The following ZSCAN20 variants were observed in gnomAD, a reference collection of about 807,000 sequenced individuals.
The protein encoded by ZSCAN20 is zinc finger and SCAN domain containing 20.
In ZSCAN20, 39 loss-of-function variants were observed where a neutral mutation model predicts 97.1. The ratio of observed to expected loss-of-function variants is 0.40; its 90% CI spans 0.31 to 0.52. The LOEUF (loss-of-function observed/expected upper bound fraction) is 0.52. Ranked by LOEUF, ZSCAN20 falls within the 20% of genes least tolerant of loss-of-function variation. ZSCAN20 has a pLI of 0.49. For missense variants in ZSCAN20, 1,115 were observed against 1,290.4 expected, an observed-to-expected ratio of 0.86 and a Z score of 2.08; for synonymous variants, 456 against 467.3, an observed-to-expected ratio of 0.98 and a Z score of 0.31.
chr1:33,473,684 C>G (rs532354201), intron 1 of ZSCAN20, among the ~76,000 whole-genome samples: 2 of 152,268 alleles, frequency 1.3e-5, no homozygotes, highest in Admixed American at 1.3e-4. Context: ...AAAAAAATTT[C>G]AACTCTTACT....
chr1:33,501,003 A>G lies in ZSCAN20; in HGVS notation c.*5527A>G, dbSNP rs1196380690. Among the ~76,000 whole-genome samples the G allele has an allele frequency of 6.6e-6, 1 of 152,116 alleles. No individual in the cohort carries two copies. Among genetic ancestry groups the G allele is most frequent in the African/African-American group, 2.4e-5 (1 of 41,448 alleles). ...TGGGGGGATTCGTGGACCACAGAGA[A>G]GCTTCCGCATATTTATAGGCACTGG... On this transcript the variant is annotated 3_prime_UTR_variant, in exon 8 of 8. Coordinates refer to ENST00000684572, the MANE Select transcript of ZSCAN20 (RefSeq NM_001377376.1).
In ZSCAN20 at chr1:33,499,382, G is replaced by C. The variant is rs1046999888; in HGVS notation, c.*3906G>C. Among the ~76,000 whole-genome samples, 1 of 151,706 alleles carries C rather than the reference G, an allele frequency of 6.6e-6. No homozygotes were observed. Among genetic ancestry groups the C allele is most frequent in the Admixed American group, 6.6e-5 (1 of 15,230 alleles). On this transcript the variant is annotated 3_prime_UTR_variant, in exon 8 of 8. Coordinates refer to ENST00000684572, the MANE Select transcript of ZSCAN20 (RefSeq NM_001377376.1). ...TTCCTTTCTTTCTCTCTTTTCTTCTGTGTAGATGCTAATGACTTCCAGATC... is the reference window on the plus strand; with the variant it reads ...TTCCTTTCTTTCTCTCTTTTCTTCTCTGTAGATGCTAATGACTTCCAGATC...
In ZSCAN20 at chr1:33,494,729, A is replaced by C; in HGVS notation, c.2385A>C (p.Lys795Asn). The C allele has an allele frequency of 6.2e-7, 1 of 1,614,096 alleles. No homozygotes were observed. Among genetic ancestry groups the C allele is most frequent in the Non-Finnish European group, 8.5e-7 (1 of 1,180,016 alleles). ...QRIHTGEKPYKCGECWKSFNQ... is the reference protein window; with the variant it reads ...QRIHTGEKPYNCGECWKSFNQ... ...TTCACACGGGGGAAAAGCCCTATAAATGTGGAGAATGTTGGAAAAGCTTCA... is the reference window on the plus strand; with the variant it reads ...TTCACACGGGGGAAAAGCCCTATAACTGTGGAGAATGTTGGAAAAGCTTCA... The change falls in exon 8 of 8, where the codon AAA becomes AAC. Residue 795 changes from lysine (K) to asparagine (N), a missense_variant. Lys to Asn is a moderately conservative substitution (Grantham distance 94). This residue lies in a region of ZSCAN20 where 554 missense variants were observed against 584.9 expected (regional missense o/e 0.95). Transcript: ENST00000684572.
In ZSCAN20 at chr1:33,491,113, G is replaced by C. The variant is rs1331306014; in HGVS notation, c.855G>C (p.Arg285Ser). Residue 285 changes from arginine to serine, a missense_variant, in exon 6 of 8, where the codon AGG (arginine) becomes AGC (serine). Around this residue, in one of 3 missense-constraint regions of ZSCAN20, gnomAD observed 508 missense variants for 611.2 expected, o/e 0.83. Coordinates refer to ENST00000684572, the MANE Select transcript of ZSCAN20 (RefSeq NM_001377376.1). The surrounding 1 kb of genome is among the most constrained non-coding windows in gnomAD (Gnocchi z 4.3). The stretch of plus-strand genomic sequence containing the variant: ...TAAGTCTTATAAATTCTGGGAAAAG[G>C]AGCACTGCAGATTACAGCCTGGATA... ...WGLSLINSGK[R>S]STADYSLDNE... The C allele has an allele frequency of 6.2e-7, 1 of 1,613,930 alleles. No homozygotes were observed. Among genetic ancestry groups the C allele is most frequent in the East Asian group, 2.2e-5 (1 of 44,868 alleles).
intron 3 of ZSCAN20, 111 bp from the exon 4 acceptor site, chr1:33,489,004 T>C (rs1652485229): frequency 1.1e-6 from 1 of 872,428 alleles, no homozygotes. Context: ...GCACTGGCCA[T>C]AGGGATAGCC....
chr1:33,493,735 G>C lies in ZSCAN20; in HGVS notation c.1873+120G>C. 1 of 1,136,880 alleles carries C rather than the reference G, an allele frequency of 8.8e-7. No individual in the cohort carries two copies. Among genetic ancestry groups the C allele is most frequent in the Non-Finnish European group, 1.2e-6 (1 of 814,290 alleles). 70.4% of individuals were successfully genotyped at this position (1,136,880 alleles called of 1,614,324 possible). A position where few individuals can be genotyped will look rare whatever the true frequency, so the allele number is the denominator to read the frequency against. Reference sequence around the variant, plus strand: ...AGAGAATGGGATTGAATGGGAAAAAGTATTTCTGCTTTGCTCAGATTATCC... The same window carrying C: ...AGAGAATGGGATTGAATGGGAAAAACTATTTCTGCTTTGCTCAGATTATCC... On this transcript the variant is annotated intron_variant, in intron 7 of 7. Transcript: ENST00000684572. The surrounding 1 kb of genome is among the most constrained non-coding windows in gnomAD (Gnocchi z 4.3).
At chr1:33,483,621 T>C (rs770420606) in intron 2 of ZSCAN20, among the ~76,000 whole-genome samples, 6 of 151,048 alleles carry the variant, frequency 4.0e-5, no homozygotes, top group Non-Finnish European at 8.8e-5. Context: ...GTGGATTGCT[T>C]GAGCCCAGGA....
chr1:33,488,346 A>T, intron 2 of ZSCAN20, 119 bp from the exon 3 acceptor site: 1 of 997,664 alleles, frequency 1.0e-6, no homozygotes, highest in Non-Finnish European at 1.5e-6. Flanking sequence ...TTCTCATCCT[A>T]TTTCAAGCCA....
At position 33,491,542 on chromosome 1, in the gene ZSCAN20, C is replaced by T; in HGVS notation, c.1284C>T (p.Pro428=). 1.2e-6 allele frequency: 2 copies of T among 1,614,072 alleles called. No homozygotes were observed. Among genetic ancestry groups the T allele is most frequent in the Non-Finnish European group, 8.5e-7 (1 of 1,179,948 alleles). ...GCCCAGGAGAGGCCGTGGCACTTCC[C>T]AGGCTCGGGTATAGTGACGCAGAGA... The part of the protein sequence containing the change: ...TDGPGEAVAL[P]RLGYSDAEMD... Residue 428 remains proline, a synonymous_variant, in exon 6 of 8, where the codon CCC becomes CCT. Coordinates refer to ENST00000684572, the MANE Select transcript of ZSCAN20 (RefSeq NM_001377376.1). This position sits in a 1 kb window ranked among gnomAD's most constrained non-coding sequence, Gnocchi z 4.3.
Position 33,491,511 on chromosome 1 carries a change from C to G in ZSCAN20, c.1253C>G (p.Thr418Arg), listed in dbSNP as rs1160313009. The change falls in exon 6 of 8, where the codon ACA (threonine) becomes AGA (arginine). Residue 418 changes from threonine to arginine, a missense_variant. Coordinates refer to ENST00000684572, the MANE Select transcript of ZSCAN20 (RefSeq NM_001377376.1). This position sits in a 1 kb window ranked among gnomAD's most constrained non-coding sequence, Gnocchi z 4.3. The part of the protein sequence containing the change: ...LVRARTAIRA[T>R]DGPGEAVALP... ...AGGGCTCGGACAGCCATCAGAGCCACAGATGGCCCAGGAGAGGCCGTGGCA... is the reference window on the plus strand; with the variant it reads ...AGGGCTCGGACAGCCATCAGAGCCAGAGATGGCCCAGGAGAGGCCGTGGCA... The G allele has an allele frequency of 2.5e-6, 4 of 1,613,966 alleles. No individual in the cohort carries two copies. The South Asian group carries it at 4.4e-5, about 18-fold the overall frequency.
In ZSCAN20 at chr1:33,498,472, G is replaced by T. The variant is rs1652950606; in HGVS notation, c.*2996G>T. 4.6e-5 allele frequency among the ~76,000 whole-genome samples: 7 copies of T among 152,148 alleles called. No homozygotes were observed. The highest frequency in any genetic ancestry group is 4.6e-4 in the Admixed American group (7 of 15,272). ...CTTTGGAAGAAGCACTCTTTCAGGGGGCTTCAGTGTTCCAGGCTTGCTGTC... is the reference window on the plus strand; with the variant it reads ...CTTTGGAAGAAGCACTCTTTCAGGGTGCTTCAGTGTTCCAGGCTTGCTGTC... On this transcript the variant is annotated 3_prime_UTR_variant, in exon 8 of 8. Transcript: ENST00000684572.
chr1:33,493,698 C>CTT lies in ZSCAN20; in HGVS notation c.1873+84_1873+85dup. 2.1e-6 allele frequency: 3 copies of CTT among 1,399,292 alleles called. No homozygotes were observed. Among genetic ancestry groups the CTT allele is most frequent in the Non-Finnish European group, 2.9e-6 (3 of 1,042,564 alleles). 86.7% of individuals were successfully genotyped at this position (1,399,292 alleles called of 1,614,324 possible). A position where few individuals can be genotyped will look rare whatever the true frequency, so the allele number is the denominator to read the frequency against. ...AAGCCAGGCTCATTATCTTTTGTCT[C>CTT]TTAACTAAAAGAGAGAATGGGATTG... is the stretch of plus-strand genomic sequence containing the variant. On this transcript the variant is annotated intron_variant, in intron 7 of 7. Coordinates refer to ENST00000684572, the MANE Select transcript of ZSCAN20 (RefSeq NM_001377376.1). This position sits in a 1 kb window ranked among gnomAD's most constrained non-coding sequence, Gnocchi z 4.3.
In ZSCAN20 at chr1:33,493,216, A is replaced by G. The variant is rs753012628; in HGVS notation, c.1474A>G (p.Lys492Glu). The change falls in exon 7 of 8, where the codon AAG becomes GAG. Residue 492 changes from lysine (K) to glutamate (E), a missense_variant. Transcript: ENST00000684572. The surrounding 1 kb of genome is among the most constrained non-coding windows in gnomAD (Gnocchi z 4.3). Reference protein sequence around the residue: ...AGVHWGYEETKAFLAILSESP... With the variant: ...AGVHWGYEETEAFLAILSESP... Reference sequence around the variant, plus strand: ...TGTGCACTGGGGCTATGAGGAGACCAAGGCCTTCCTGGCAATTCTCAGTGA... The same window carrying G: ...TGTGCACTGGGGCTATGAGGAGACCGAGGCCTTCCTGGCAATTCTCAGTGA... The G allele has an allele frequency of 5.4e-5, 87 of 1,614,034 alleles. No homozygotes were observed. Among genetic ancestry groups the G allele is most frequent in the Non-Finnish European group, 6.4e-5 (75 of 1,180,012 alleles).
At position 33,494,591 on chromosome 1, in the gene ZSCAN20, C is replaced by G. The variant is rs759453358; in HGVS notation, c.2247C>G (p.Asp749Glu). The change falls in exon 8 of 8, where the codon GAC (aspartate) becomes GAG (glutamate). Residue 749 changes from aspartate to glutamate, a missense_variant. Transcript: ENST00000684572. ...TTGAATGTGGAAAAAACTTTAGTGA[C>G]CGCTCTAACCTCAATACCCATCAGA... Reference protein sequence around the residue: ...KCLECGKNFSDRSNLNTHQRI... With the variant: ...KCLECGKNFSERSNLNTHQRI... 1 of 1,613,882 alleles carries G rather than the reference C, an allele frequency of 6.2e-7. No homozygotes were observed. Among genetic ancestry groups the G allele is most frequent in the African/African-American group, 1.3e-5 (1 of 75,024 alleles).
intron 2 of ZSCAN20, among the ~76,000 whole-genome samples, chr1:33,480,833 T>C (rs1652127588): frequency 6.6e-6 from 1 of 152,246 alleles, no homozygotes; most frequent in African/African-American, 2.4e-5. Flanking sequence ...TTTTGAATCC[T>C]GCTTCAAAGC....
At chr1:33,474,812 G>T (rs1651859325) in intron 1 of ZSCAN20, among the ~76,000 whole-genome samples, 2 of 152,174 alleles carry the variant, frequency 1.3e-5, no homozygotes, top group Non-Finnish European at 2.9e-5. Flanking sequence ...CTCTATAGTT[G>T]GCTGTAGTGC....
intron 1 of ZSCAN20, among the ~76,000 whole-genome samples, chr1:33,476,307 T>G (rs1385895337): frequency 6.6e-6 from 1 of 152,254 alleles, no homozygotes; most frequent in Middle Eastern, 3.2e-3. Flanking sequence ...CTAACTTCCT[T>G]AGAAAGTTAC....
At chr1:33,475,666 T>G (rs1274268221) in intron 1 of ZSCAN20, among the ~76,000 whole-genome samples, 3 of 152,024 alleles carry the variant, frequency 2.0e-5, no homozygotes, top group Admixed American at 2.0e-4. Context: ...CTTTTTTTTT[T>G]CTTCTTTTTC....
At chr1:33,488,387 T>C in intron 2 of ZSCAN20, 78 bp from the exon 3 acceptor site, 1 of 1,434,850 alleles carries the variant, frequency 7.0e-7, no homozygotes, top group Non-Finnish European at 9.6e-7. Context: ...TGTTAGCCTC[T>C]GGACTGCAGT....
Sources: gnomAD v4.1 joint callset for allele counts (sites outside exome capture counted in the v4.1 genomes callset) on GRCh38, gnomAD v4.1.1 for gene constraint, gnomAD v4.1.1 regional missense constraint, Gnocchi (gnomAD v3.1) non-coding constraint, MANE v1.5 for transcripts, NCBI Gene and HGNC (gene_info 2026-07-23, HGNC 2026-07-21) for gene names.